TGFBI: variants seen among roughly 807,000 people sequenced by gnomAD.
The protein encoded by TGFBI is transforming growth factor-beta-induced protein ig-h3.
TGFBI carries 50 observed loss-of-function variants against 73.7 expected under a neutral mutation model. The observed-to-expected ratio is 0.68, with a 90% CI of 0.54 to 0.86. TGFBI has a LOEUF of 0.86. Among genes scored for constraint, TGFBI ranks in the 40% least tolerant of loss-of-function variants. The pLI, the probability that TGFBI is intolerant of heterozygous loss-of-function variation, is 0.00. For missense variants in TGFBI, 839 were observed against 877.0 expected (o/e 0.96, Z 0.55); for synonymous variants, 362 against 360.5 (o/e 1.00, Z -0.05).
chr5:136,052,875 C>A, intron 7 of TGFBI, 32 bp from the exon 8 acceptor site: 2 of 1,605,630 alleles, frequency 1.2e-6, no homozygotes, highest in African/African-American at 1.3e-5. Flanking sequence ...TGGAGTGGAC[C>A]CTGACTTGAC....
intron 4 of TGFBI, 60 bp from the exon 5 acceptor site, chr5:136,046,791 G>A: frequency 6.4e-7 from 1 of 1,554,916 alleles, no homozygotes; most frequent in Non-Finnish European, 8.7e-7. Flanking sequence ...GAGTTGCAAG[G>A]ACCCATCTCT....
chr5:136,057,294 A>C (rs548374852), intron 12 of TGFBI, among the ~76,000 whole-genome samples: 14 of 152,330 alleles, frequency 9.2e-5, no homozygotes, highest in African/African-American at 3.1e-4. Flanking sequence ...CAGCCCAGTC[A>C]CTGAGGCACG....
chr5:136,061,469 T>C (rs759185848), intron 14 of TGFBI, 31 bp from the exon 15 acceptor site: 5 of 1,527,326 alleles, frequency 3.3e-6, no homozygotes, highest in Non-Finnish European at 4.5e-6. Context: ...GGTTTCACTC[T>C]GGTCAAACCT....
chr5:136,041,112 C>G (rs1243410718), intron 2 of TGFBI, among the ~76,000 whole-genome samples: 1 of 152,230 alleles, frequency 6.6e-6, no homozygotes, highest in Non-Finnish European at 1.5e-5. Flanking sequence ...AGGTGGACTG[C>G]CAGCTTTGAC....
At chr5:136,059,236 G>A (rs763916067) in intron 13 of TGFBI, 22 bp downstream of exon 13, 1 of 1,606,420 alleles carries the variant, frequency 6.2e-7, no homozygotes, top group Non-Finnish European at 8.5e-7. Flanking sequence ...GCAAATCAAA[G>A]GCTGGCTAAA....
intron 1 of TGFBI, among the ~76,000 whole-genome samples, chr5:136,030,328 C>T (rs921040100): frequency 6.6e-6 from 1 of 152,132 alleles, no homozygotes; most frequent in Non-Finnish European, 1.5e-5. Flanking sequence ...AGTCTTGGCT[C>T]CTTGCACTAG....
intron 9 of TGFBI, 139 bp from the exon 10 acceptor site, chr5:136,054,577 A>G: frequency 9.2e-7 from 1 of 1,084,650 alleles, no homozygotes; most frequent in South Asian, 1.3e-5. Context: ...GTTAAGGAAT[A>G]TTGGCAGCTT....
chr5:136,062,158 A>G (rs1444326076), intron 15 of TGFBI, among the ~76,000 whole-genome samples: 2 of 151,954 alleles, frequency 1.3e-5, no homozygotes, highest in Admixed American at 1.3e-4. Context: ...TCAGTGCCCC[A>G]CTTGGCTCTT....
chr5:136,052,078 G>A (rs1023094663), intron 7 of TGFBI, among the ~76,000 whole-genome samples: 6 of 152,188 alleles, frequency 3.9e-5, no homozygotes, highest in African/African-American at 1.4e-4. Flanking sequence ...GTTGGGGGGG[G>A]CTCCTCCTCC....
chr5:136,049,459 G>A lies in TGFBI; in HGVS notation c.792G>A (p.Gly264=). The A allele has an allele frequency of 6.2e-7, 1 of 1,613,966 alleles. No individual in the cohort carries two copies. The highest frequency in any genetic ancestry group is 1.3e-5 in the African/African-American group (1 of 75,052). Residue 264 remains glycine, a synonymous_variant, in exon 7 of 17, where the codon GGG becomes GGA. Transcript: ENST00000442011. ...ETLRAAVAAS[G]LNTMLEGNGQ... is the part of the protein sequence containing the mutation. ...CACAGGCTGCTGTGGCTGCATCAGGGCTCAACACGATGCTTGAAGGTAACG... is the reference window on the plus strand; with the variant it reads ...CACAGGCTGCTGTGGCTGCATCAGGACTCAACACGATGCTTGAAGGTAACG...
At chr5:136,060,041 G>T (rs1332203755) in intron 13 of TGFBI, among the ~76,000 whole-genome samples, 2 of 152,178 alleles carry the variant, frequency 1.3e-5, no homozygotes, top group African/African-American at 4.8e-5. Context: ...AGATAGATTT[G>T]CCCTGGGTGG....
intron 1 of TGFBI, among the ~76,000 whole-genome samples, 184 bp downstream of exon 1, chr5:136,029,373 G>A (rs1413399154): frequency 3.9e-5 from 6 of 152,214 alleles, no homozygotes; most frequent in East Asian, 3.9e-4. Context: ...GAGGGAGGTG[G>A]AGGACCATGG....
Position 136,052,584 on chromosome 5 carries a change from T to A in TGFBI, c.914-323T>A, listed in dbSNP as rs115508385. Among the ~76,000 whole-genome samples the A allele has an allele frequency of 1.0e-3, 154 of 152,372 alleles. 1 individual carries two copies. The highest frequency in any genetic ancestry group is 3.6e-3 in the African/African-American group (149 of 41,590). On this transcript the variant is annotated intron_variant, in intron 7 of 16. Coordinates refer to ENST00000442011, the MANE Select transcript of TGFBI (RefSeq NM_000358.3). ...AGGCCCCGTGCCGAGTGCTTTAGGT[T>A]CAGAATTTCATGTCATCCCCACAGC...
In TGFBI at chr5:136,060,952, C is replaced by A; in HGVS notation, c.1906+16C>A. 6.5e-7 allele frequency: 1 copy of A among 1,531,262 alleles called. No homozygotes were observed. The highest frequency in any genetic ancestry group is 8.9e-7 in the Non-Finnish European group (1 of 1,129,394). The allele number at this position is 1,531,262 out of a possible 1,614,324, so 94.9% of individuals were successfully genotyped here. A position where few individuals can be genotyped will look rare whatever the true frequency, so the allele number is the denominator to read the frequency against. ...CAGCCTCCAGGTAAGTGTCGCATCCCCACTGACTCTGCAGCCAGTCCTTTT... is the reference window on the plus strand; with the variant it reads ...CAGCCTCCAGGTAAGTGTCGCATCCACACTGACTCTGCAGCCAGTCCTTTT... On this transcript the variant is annotated intron_variant, in intron 14 of 16. Transcript: ENST00000442011.
intron 12 of TGFBI, 121 bp from the exon 13 acceptor site, chr5:136,058,969 C>T: frequency 7.7e-7 from 1 of 1,295,360 alleles, no homozygotes; most frequent in Non-Finnish European, 1.1e-6. Context: ...GTGCTTATTC[C>T]CTGGGCAGGG....
chr5:136,051,904 C>T (rs1423070270), intron 7 of TGFBI, among the ~76,000 whole-genome samples: 3 of 152,240 alleles, frequency 2.0e-5, no homozygotes, highest in Non-Finnish European at 2.9e-5. Context: ...TCTGCAGCAG[C>T]CCCATGCCTT....
chr5:136,032,654 G>T (rs924821811), intron 1 of TGFBI, among the ~76,000 whole-genome samples: 1 of 152,144 alleles, frequency 6.6e-6, no homozygotes, highest in Admixed American at 6.5e-5. Flanking sequence ...CCTCAGTATT[G>T]TTTGTTTTAT....
chr5:136,038,566 C>T (rs565064885), intron 2 of TGFBI, among the ~76,000 whole-genome samples: 1 of 151,612 alleles, frequency 6.6e-6, no homozygotes, highest in East Asian at 1.9e-4. Context: ...AAAAAAAATA[C>T]AAAAATTAGC....
At chr5:136,046,776 T>C in intron 4 of TGFBI, 75 bp from the exon 5 acceptor site, 1 of 1,518,336 alleles carries the variant, frequency 6.6e-7, no homozygotes, top group African/African-American at 1.4e-5. Context: ...AGAACATGTT[T>C]CCCAGAGTTG....
Sources: allele counts gnomAD v4.1 joint callset (sites outside exome capture counted in the v4.1 genomes callset), GRCh38; gene constraint gnomAD v4.1.1; transcripts MANE v1.5; gene names NCBI Gene and HGNC (gene_info 2026-07-23, HGNC 2026-07-21).